ZC3H7B: variants seen among roughly 807,000 people sequenced by gnomAD.
ZC3H7B encodes zinc finger CCCH domain-containing protein 7B.
ZC3H7B carries 35 observed loss-of-function variants against 116.0 expected under a neutral mutation model. The ratio of observed to expected loss-of-function variants is 0.30; its 90% confidence interval spans 0.23 to 0.40. The LOEUF is 0.40. ZC3H7B is among the 10% of genes least tolerant of loss of function. The probability of loss-of-function intolerance (pLI) is 1.00; values close to 1 mark genes in which losing one functional copy is unlikely to be tolerated. For synonymous variants in ZC3H7B, 502 were observed against 545.6 expected, an observed-to-expected ratio of 0.92 and a Z score of 1.11; for missense variants, 1,011 against 1,321.5, an observed-to-expected ratio of 0.77 and a Z score of 3.64.
At chr22:41,348,273 G>C (rs1404628531) in intron 15 of ZC3H7B, 106 bp downstream of exon 15, 5 of 1,011,334 alleles carry the variant, frequency 4.9e-6, no homozygotes, top group Admixed American at 2.1e-5. Flanking sequence ...TGGATGTAGG[G>C]TGCAAGGAAA....
At chr22:41,303,158 G>T (rs1309619651) in intron 1 of ZC3H7B, among the ~76,000 whole-genome samples, 3 of 152,206 alleles carry the variant, frequency 2.0e-5, no homozygotes, top group African/African-American at 4.8e-5. Context: ...TCCCACAGAA[G>T]TTGGACTGCA....
chr22:41,339,701 C>T, intron 9 of ZC3H7B, 115 bp from the exon 10 acceptor site: 1 of 930,182 alleles, frequency 1.1e-6, no homozygotes, highest in South Asian at 1.7e-5. Context: ...CCACATGGGA[C>T]AGGATGAAGC....
At chr22:41,306,727 A>C (rs2036046080) in intron 1 of ZC3H7B, among the ~76,000 whole-genome samples, 1 of 152,166 alleles carries the variant, frequency 6.6e-6, no homozygotes, top group Non-Finnish European at 1.5e-5. Context: ...CCCATTTTAC[A>C]GGTGAAGAAA....
At position 41,357,133 on chromosome 22, in the gene ZC3H7B, G is replaced by A. The variant is rs1180038847; in HGVS notation, c.2682-44G>A. Reference sequence around the variant, plus strand: ...GGCCCCAGATGGACAGCCTGGGGTGGGAAGGGCACAGAGCTCGGGCAGTGA... The same window carrying A: ...GGCCCCAGATGGACAGCCTGGGGTGAGAAGGGCACAGAGCTCGGGCAGTGA... On this transcript the variant is annotated intron_variant, in intron 22 of 22. Transcript: ENST00000352645. The surrounding 1 kb of genome is among the most constrained non-coding windows in gnomAD (Gnocchi z 5.4). The A allele has an allele frequency of 6.2e-7, 1 of 1,601,230 alleles. No homozygotes were observed. Among genetic ancestry groups the A allele is most frequent in the Non-Finnish European group, 8.5e-7 (1 of 1,174,668 alleles).
intron 1 of ZC3H7B, among the ~76,000 whole-genome samples, chr22:41,317,451 A>G (rs950227491): frequency 6.6e-6 from 1 of 152,088 alleles, no homozygotes; most frequent in Non-Finnish European, 1.5e-5. Flanking sequence ...TCAACATATG[A>G]ATGGGAGAGG....
intron 1 of ZC3H7B, among the ~76,000 whole-genome samples, chr22:41,308,157 T>C (rs1009211708): frequency 2.0e-5 from 3 of 151,986 alleles, no homozygotes; most frequent in Non-Finnish European, 4.4e-5. Flanking sequence ...TGTCTTCTGA[T>C]TGGTTTGTGT....
At chr22:41,324,904 C>G (rs1460763542) in intron 2 of ZC3H7B, among the ~76,000 whole-genome samples, 1 of 152,200 alleles carries the variant, frequency 6.6e-6, no homozygotes, top group Non-Finnish European at 1.5e-5. Flanking sequence ...CTGCCTGCTC[C>G]TGTCCCTGGC....
chr22:41,322,748 C>T (rs1236531947), intron 2 of ZC3H7B, among the ~76,000 whole-genome samples: 2 of 152,160 alleles, frequency 1.3e-5, no homozygotes, highest in Non-Finnish European at 2.9e-5. Flanking sequence ...TCTATGTTCC[C>T]TTATATACTC....
intron 1 of ZC3H7B, among the ~76,000 whole-genome samples, chr22:41,309,143 C>T (rs1379336134): frequency 6.6e-6 from 1 of 151,476 alleles, no homozygotes; most frequent in Non-Finnish European, 1.5e-5. Context: ...TCCCGTGTAG[C>T]TGGGACTACA....
At chr22:41,309,098 G>A (rs1433947873) in intron 1 of ZC3H7B, among the ~76,000 whole-genome samples, 15 of 139,744 alleles carry the variant, frequency 1.1e-4, no homozygotes, top group African/African-American at 2.7e-4. Flanking sequence ...TGCAAGCTCC[G>A]CCTCCCGGGT....
intron 5 of ZC3H7B, among the ~76,000 whole-genome samples, chr22:41,328,257 A>G (rs1294652374): frequency 6.6e-6 from 1 of 152,252 alleles, no homozygotes; most frequent in Non-Finnish European, 1.5e-5. Flanking sequence ...GGCAGGTTTC[A>G]TCCGCACCAC....
chr22:41,327,477 G>A lies in ZC3H7B; in HGVS notation c.444+113G>A. ...CCTTCTGTGTCTCACTTCCTCCCCT[G>A]TGACATGGCCATGCAGATCCTGATG... On this transcript the variant is annotated intron_variant, in intron 5 of 22. Transcript: ENST00000352645. This position sits in a 1 kb window ranked among gnomAD's most constrained non-coding sequence, Gnocchi z 4.5. 3 of 1,388,556 alleles carry A rather than the reference G, an allele frequency of 2.2e-6. No individual in the cohort carries two copies. The highest frequency in any genetic ancestry group is 2.1e-5 in the Admixed American group (1 of 48,262). The allele number at this position is 1,388,556 out of a possible 1,614,324, so 86.0% of individuals were successfully genotyped here. A position where few individuals can be genotyped will look rare whatever the true frequency, so the allele number is the denominator to read the frequency against.
chr22:41,309,073 G>A (rs2036084597), intron 1 of ZC3H7B, among the ~76,000 whole-genome samples: 2 of 143,848 alleles, frequency 1.4e-5, no homozygotes, highest in East Asian at 2.0e-4. Flanking sequence ...GTGCAGTGGC[G>A]CGATCTCGAC....
At chr22:41,350,685 C>A (rs1229187135) in intron 16 of ZC3H7B, among the ~76,000 whole-genome samples, 3 of 152,156 alleles carry the variant, frequency 2.0e-5, no homozygotes, top group Non-Finnish European at 2.9e-5. Context: ...GCAGCTCAGG[C>A]TCAGTGTGGG....
intron 2 of ZC3H7B, among the ~76,000 whole-genome samples, chr22:41,322,108 G>A (rs897999085): frequency 3.3e-5 from 5 of 151,394 alleles, no homozygotes; most frequent in African/African-American, 1.2e-4. Flanking sequence ...CAAAGTGCTG[G>A]GATTACAGGC....
At chr22:41,342,020 C>CCATTGCA (rs1357052330) in intron 11 of ZC3H7B, among the ~76,000 whole-genome samples, 2 of 151,526 alleles carry the variant, frequency 1.3e-5, no homozygotes, top group East Asian at 3.9e-4. Context: ...TGAGAGCACG[C>CCATTGCA]CATTGCACTC....
intron 4 of ZC3H7B, among the ~76,000 whole-genome samples, chr22:41,326,657 C>T (rs1224487539): frequency 6.6e-6 from 1 of 152,250 alleles, no homozygotes; most frequent in Non-Finnish European, 1.5e-5. Context: ...GCCTCCTCCT[C>T]TTCCCTGTCC....
chr22:41,324,314 A>C (rs2036292064), intron 2 of ZC3H7B, among the ~76,000 whole-genome samples: 1 of 152,166 alleles, frequency 6.6e-6, no homozygotes, highest in South Asian at 2.1e-4. Flanking sequence ...TTCCACACGC[A>C]TGTGCATACA....
rs1262027287 is a variant in ZC3H7B at position 41,314,486 on chromosome 22, C to T, written c.-6-6169C>T. On this transcript the variant is annotated intron_variant, in intron 1 of 22. Coordinates refer to ENST00000352645, the MANE Select transcript of ZC3H7B (RefSeq NM_017590.6). ...TTTTATTTTTGGGATAAGGGTCTCA[C>T]TGTGTTGCCCAGGCTGGTCTTGAAC... Among the ~76,000 whole-genome samples the T allele has an allele frequency of 4.6e-5, 7 of 152,204 alleles. No individual in the cohort carries two copies. The East Asian group carries it at 1.4e-3, about 29-fold the overall frequency.
Sources: gnomAD v4.1 joint callset for allele counts (sites outside exome capture counted in the v4.1 genomes callset) on GRCh38, gnomAD v4.1.1 for gene constraint, Gnocchi (gnomAD v3.1) non-coding constraint, MANE v1.5 for transcripts, NCBI Gene and HGNC (gene_info 2026-07-23, HGNC 2026-07-21) for gene names.